POLD1: variants seen among roughly 807,000 people sequenced by gnomAD.
POLD1 encodes DNA polymerase delta 1, catalytic subunit, also known as DNA polymerase delta catalytic subunit.
A neutral mutation model predicts 129.7 loss-of-function variants in POLD1; 79 were observed. That is an observed-to-expected ratio of 0.61 (90% confidence interval 0.51 to 0.73). POLD1 has a LOEUF of 0.73. Among genes scored for constraint, POLD1 ranks in the 30% least tolerant of loss-of-function variants. The pLI, the probability that POLD1 is intolerant of heterozygous loss-of-function variation, is 0.00. For synonymous variants in POLD1, 714 were observed against 683.3 expected (o/e 1.04, Z -0.70); for missense variants, 1,338 against 1,595.8 (o/e 0.84, Z 2.75).
At chr19:50,410,176 T>G (rs1314455694) in intron 17 of POLD1, among the ~76,000 whole-genome samples, 25 of 152,186 alleles carry the variant, frequency 1.6e-4, no homozygotes. Context: ...CTCTGCTGCT[T>G]GAACAGAAAA....
intron 1 of POLD1, among the ~76,000 whole-genome samples, chr19:50,389,828 C>T (rs150433871): frequency 0.033 from 4,948 of 151,740 alleles, 284 homozygotes; most frequent in African/African-American, 0.11. Context: ...TCAGGTGATC[C>T]GCCCGCCTTG....
intron 19 of POLD1, 138 bp from the exon 20 acceptor site, chr19:50,414,677 T>A: frequency 1.6e-6 from 1 of 632,364 alleles, no homozygotes; most frequent in Non-Finnish European, 2.5e-6. Flanking sequence ...TCTCGGTCCA[T>A]CCCACCAGGC....
intron 1 of POLD1, among the ~76,000 whole-genome samples, chr19:50,384,895 C>A (rs1325591687): frequency 6.6e-6 from 1 of 152,160 alleles, no homozygotes; most frequent in Non-Finnish European, 1.5e-5. Context: ...GAGCCTGTTG[C>A]TTTAGCTGGA....
At chr19:50,404,618 G>A (rs570323523) in intron 10 of POLD1, among the ~76,000 whole-genome samples, 68 of 119,526 alleles carry the variant, frequency 5.7e-4, no homozygotes, top group Admixed American at 1.7e-3. Context: ...TCGCTGTGTC[G>A]CCCAGGCTGG....
rs1278597997 is a variant in POLD1, at chr19:50,403,487, C to G, written c.1138-6C>G. On this transcript the variant is annotated splice_region_variant and splice_polypyrimidine_tract_variant and intron_variant, in intron 9 of 26. Coordinates refer to ENST00000440232, the MANE Select transcript of POLD1 (RefSeq NM_002691.4). ...CCAGGGTGACCCAATGTGCTCCCAC[C>G]CCCAGGCCTGGTCCACCTTCATCCG... 6.2e-7 allele frequency: 1 copy of G among 1,609,032 alleles called. No homozygotes were observed. The highest frequency in any genetic ancestry group is 1.1e-5 in the South Asian group (1 of 90,962).
rs761914051 is a variant in POLD1, at chr19:50,406,176, C to A, written c.1243-6C>A. 6.2e-7 allele frequency: 1 copy of A among 1,611,596 alleles called. No individual in the cohort carries two copies. The highest frequency in any genetic ancestry group is 8.5e-7 in the Non-Finnish European group (1 of 1,178,288). Reference sequence around the variant, plus strand: ...GCCTGCTGCACACCCTGCCTCTCCTCCTCAGGTACAAACATTCCCTTTCCT... The same window carrying A: ...GCCTGCTGCACACCCTGCCTCTCCTACTCAGGTACAAACATTCCCTTTCCT... On this transcript the variant is annotated splice_polypyrimidine_tract_variant and splice_region_variant and intron_variant, in intron 10 of 26. Coordinates refer to ENST00000440232, the MANE Select transcript of POLD1 (RefSeq NM_002691.4). The surrounding 1 kb of genome is among the most constrained non-coding windows in gnomAD (Gnocchi z 5.5).
At chr19:50,385,669 C>T (rs2037944843) in intron 1 of POLD1, among the ~76,000 whole-genome samples, 1 of 151,860 alleles carries the variant, frequency 6.6e-6, no homozygotes, top group African/African-American at 2.4e-5. Flanking sequence ...GCTGGGATTA[C>T]GGCACCCACT....
In POLD1 at chr19:50,416,614, G is replaced by C. The variant is rs878854547; in HGVS notation, c.2958G>C (p.Gly986=). ...EGRAEAVLLR[G]DHTRCKTVLT... ...CACCTGCCTCCTCTCCTGCAGGGGGGGACCACACGCGCTGCAAGACGGTGC... is the reference window on the plus strand; with the variant it reads ...CACCTGCCTCCTCTCCTGCAGGGGGCGACCACACGCGCTGCAAGACGGTGC... The change falls in exon 24 of 27, where the codon GGG becomes GGC. Residue 986 remains glycine (G), a synonymous_variant. Transcript: ENST00000440232. 6.4e-6 allele frequency: 10 copies of C among 1,561,148 alleles called. No homozygotes were observed. Among genetic ancestry groups the C allele is most frequent in the East Asian group, 4.8e-5 (2 of 41,928 alleles).
chr19:50,401,394 T>TTTTTTTTTTTTTTTTTTTTTTTTTTTTA (rs2038619571), intron 3 of POLD1, among the ~76,000 whole-genome samples: 1 of 62,056 alleles, frequency 1.6e-5, no homozygotes, highest in Non-Finnish European at 2.8e-5. Context: ...TATATATATT[T>TTTTTTTTTTTTTTTTTTTTTTTTTTTTA]TTTTTTTTTT....
rs543839617 is a variant in POLD1 at position 50,395,477 on chromosome 19, A to G, written c.-1-3374A>G. Among the ~76,000 whole-genome samples the G allele has an allele frequency of 7.8e-4, 118 of 152,042 alleles. No homozygotes were observed. In the Middle Eastern group the frequency reaches 0.014, roughly 18 times the overall value. On this transcript the variant is annotated intron_variant, in intron 1 of 26. Transcript: ENST00000440232. The stretch of plus-strand genomic sequence containing the variant: ...CGGACGCCTGTAGTCCCAGCTACTC[A>G]GGAGGCTGAGGCGGGAGAATGGCGT...
chr19:50,416,417 C>T lies in POLD1; in HGVS notation c.2842C>T (p.His948Tyr). 1 of 1,549,622 alleles carries T rather than the reference C, an allele frequency of 6.5e-7. No homozygotes were observed. The highest frequency in any genetic ancestry group is 8.7e-7 in the Non-Finnish European group (1 of 1,147,282). The change falls in exon 23 of 27, where the codon CAC (histidine) becomes TAC (tyrosine). Residue 948 changes from histidine (H) to tyrosine (Y), a missense_variant. His to Tyr is a moderately conservative substitution (Grantham distance 83). This residue lies in a region of POLD1 where 286 missense variants were observed against 277.5 expected (regional missense o/e 1.03). Coordinates refer to ENST00000440232, the MANE Select transcript of POLD1 (RefSeq NM_002691.4). ...KSEDPLFVLEHSLPIDTQYYL... is the reference protein window; with the variant it reads ...KSEDPLFVLEYSLPIDTQYYL... The stretch of plus-strand genomic sequence containing the variant: ...GCAGGACCCGCTGTTCGTGCTGGAG[C>T]ACAGCCTGCCCATTGACACGCAGTA...
intron 1 of POLD1, among the ~76,000 whole-genome samples, chr19:50,385,817 C>T (rs901601637): frequency 6.6e-6 from 1 of 152,104 alleles, no homozygotes; most frequent in African/African-American, 2.4e-5. Context: ...GCGTGAGCCA[C>T]CACGCACGGC....
In POLD1 at chr19:50,414,997, G is replaced by A. The variant is rs771349835; in HGVS notation, c.2564+7G>A. The A allele has an allele frequency of 1.3e-6, 2 of 1,557,524 alleles. No individual in the cohort carries two copies. The highest frequency in any genetic ancestry group is 1.2e-5 in the South Asian group (1 of 85,106). ...GCCGCCTGCTCATCGACCGGTGTGT[G>A]GGGCCTCCTCCCTCAGACTCAGGGG... On this transcript the variant is annotated splice_region_variant and intron_variant, in intron 20 of 26. Transcript: ENST00000440232.
chr19:50,415,583 GC>G lies in POLD1; in HGVS notation c.2712del (p.Glu905ArgfsTer3). ...YAGKQAHVEL[A>X]ERMRKRDPGS... The stretch of plus-strand genomic sequence containing the variant: ...CGGCAAGCAGGCCCACGTGGAGCTG[GC>G]CGAGAGGTCCTGCGCGGGGCGGGTG... On this transcript the variant is annotated frameshift_variant, in exon 21 of 27. Coordinates refer to ENST00000440232, the MANE Select transcript of POLD1 (RefSeq NM_002691.4). LOFTEE classifies it high-confidence loss of function. 5 of 1,611,142 alleles carry G rather than the reference GC, an allele frequency of 3.1e-6. No homozygotes were observed. The highest frequency in any genetic ancestry group is 4.2e-6 in the Non-Finnish European group (5 of 1,178,628).
At position 50,387,048 on chromosome 19, in the gene POLD1, C is replaced by T. The variant is rs184456501; in HGVS notation, c.-2+2658C>T. ...TCTACTAAAAATACAAAAAATTAGCCGGGCGTGGTGGTGGGCGCCTGTAAT... is the reference window on the plus strand; with the variant it reads ...TCTACTAAAAATACAAAAAATTAGCTGGGCGTGGTGGTGGGCGCCTGTAAT... On this transcript the variant is annotated intron_variant, in intron 1 of 26. Transcript: ENST00000440232. Among the ~76,000 whole-genome samples the T allele has an allele frequency of 7.4e-4, 113 of 152,044 alleles. 3 individuals carry two copies. The South Asian group carries it at 0.022, about 29-fold the overall frequency.
chr19:50,413,568 G>A (rs2039166211), intron 18 of POLD1, 47 bp downstream of exon 18: 3 of 1,564,056 alleles, frequency 1.9e-6, no homozygotes, highest in Non-Finnish European at 2.6e-6. Context: ...AGGGCAGGTG[G>A]GGGGATGGAA....
intron 1 of POLD1, among the ~76,000 whole-genome samples, chr19:50,391,934 C>G (rs2038190433): frequency 6.6e-6 from 1 of 152,086 alleles, no homozygotes; most frequent in African/African-American, 2.4e-5. Flanking sequence ...CCAGGCTGGT[C>G]TTAATCTCCT....
Position 50,417,209 on chromosome 19 carries a change from G to A in POLD1, c.3158G>A (p.Arg1053His), listed in dbSNP as rs980793204. ...HLNALEERFS[R>H]LWTQCQRCQG... Reference sequence around the variant, plus strand: ...AATGCCCTGGAGGAGCGCTTCTCGCGCCTCTGGACGCAGTGCCAGCGCTGC... The same window carrying A: ...AATGCCCTGGAGGAGCGCTTCTCGCACCTCTGGACGCAGTGCCAGCGCTGC... Residue 1053 changes from arginine (R) to histidine (H), a missense_variant, in exon 26 of 27, where the codon CGC (arginine) becomes CAC (histidine). By Grantham distance (29) the Arg-to-His change is conservative. Around this residue, in one of 3 missense-constraint regions of POLD1, gnomAD observed 286 missense variants for 277.5 expected, o/e 1.03. Transcript: ENST00000440232. 4 of 1,606,202 alleles carry A rather than the reference G, an allele frequency of 2.5e-6. No individual in the cohort carries two copies. The highest frequency in any genetic ancestry group is 1.7e-5 in the Admixed American group (1 of 59,638).
chr19:50,416,107 C>T (rs551654354), intron 22 of POLD1: 17 of 582,328 alleles, frequency 2.9e-5, no homozygotes, highest in Non-Finnish European at 4.6e-5. Flanking sequence ...CCAGCTCTAC[C>T]CCCACCCCCA....
Sources: gnomAD v4.1 joint callset for allele counts (sites outside exome capture counted in the v4.1 genomes callset) on GRCh38, gnomAD v4.1.1 for gene constraint, gnomAD v4.1.1 regional missense constraint, Gnocchi (gnomAD v3.1) non-coding constraint, MANE v1.5 for transcripts, NCBI Gene and HGNC (gene_info 2026-07-23, HGNC 2026-07-21) for gene names.